STAMBP: variants seen among roughly 807,000 people sequenced by gnomAD.
STAMBP encodes the protein STAM-binding protein.
In STAMBP, 31 loss-of-function variants were observed where a neutral mutation model predicts 50.7. The ratio of observed to expected loss-of-function variants is 0.61; its 90% CI spans 0.46 to 0.83. The LOEUF (loss-of-function observed/expected upper bound fraction) is 0.83. Among genes scored for constraint, STAMBP ranks in the 40% least tolerant of loss-of-function variants. The pLI is 0.00. For missense variants in STAMBP, 472 were observed against 518.9 expected (o/e 0.91, Z 0.88); for synonymous variants, 211 against 192.4 (o/e 1.10, Z -0.80).
intron 7 of STAMBP, among the ~76,000 whole-genome samples, chr2:73,855,188 A>G (rs1677391944): frequency 6.6e-6 from 1 of 152,032 alleles, no homozygotes; most frequent in Non-Finnish European, 1.5e-5. Flanking sequence ...ACTCCTCATC[A>G]TGTTTCAGCG....
chr2:73,830,754 C>T, intron 1 of STAMBP, 91 bp from the exon 2 acceptor site: 3 of 937,206 alleles, frequency 3.2e-6, no homozygotes, highest in Non-Finnish European at 4.8e-6. Flanking sequence ...CTTATATTTT[C>T]TTCTTAAGGT....
intron 9 of STAMBP, among the ~76,000 whole-genome samples, chr2:73,861,889 A>G (rs1426314861): frequency 1.3e-5 from 2 of 152,026 alleles, no homozygotes; most frequent in African/African-American, 4.8e-5. Context: ...TATAATCCCA[A>G]TACTTTGGGA....
Position 73,864,487 on chromosome 2 carries a change from G to A in STAMBP, c.*2228G>A, listed in dbSNP as rs1034075184. The A allele has an allele frequency of 6.6e-6, 1 of 152,364 alleles. No homozygotes were observed. Among genetic ancestry groups the A allele is most frequent in the African/African-American group, 2.4e-5 (1 of 41,444 alleles). The allele number at this position is 152,364 out of a possible 1,614,324, so 9.4% of individuals were successfully genotyped here. Reference sequence around the variant, plus strand: ...GTCTTCATCTTACCTCTGTGGAGGAGACGTGGAATCAAGCCAGCCCACAAG... The same window carrying A: ...GTCTTCATCTTACCTCTGTGGAGGAAACGTGGAATCAAGCCAGCCCACAAG... On this transcript the variant is annotated 3_prime_UTR_variant, in exon 10 of 10. Coordinates refer to ENST00000394070, the MANE Select transcript of STAMBP (RefSeq NM_213622.4).
chr2:73,841,503 A>G (rs1250795934), intron 2 of STAMBP, among the ~76,000 whole-genome samples: 2 of 152,152 alleles, frequency 1.3e-5, no homozygotes, highest in African/African-American at 4.8e-5. Flanking sequence ...CATCTCTACA[A>G]TTTTATGGAC....
chr2:73,844,835 A>G lies in STAMBP; in HGVS notation c.226A>G (p.Lys76Glu), dbSNP rs748184530. 2.5e-6 allele frequency: 4 copies of G among 1,614,080 alleles called. No homozygotes were observed. Among genetic ancestry groups the G allele is most frequent in the Non-Finnish European group, 3.4e-6 (4 of 1,179,984 alleles). ...TAGGCTCTTTATTGAGAAACTACCA[A>G]AACATCGAGATTACAAATCTGCTGT... ...YITLFIEKLPKHRDYKSAVIP... is the reference protein window; with the variant it reads ...YITLFIEKLPEHRDYKSAVIP... Residue 76 changes from lysine to glutamate, a missense_variant, in exon 3 of 10, where the codon AAA becomes GAA. Transcript: ENST00000394070.
At chr2:73,862,153 A>AT in intron 9 of STAMBP, 50 bp from the exon 10 acceptor site, 2 of 1,509,090 alleles carry the variant, frequency 1.3e-6, no homozygotes, top group Non-Finnish European at 1.8e-6. Context: ...AAAAAAAAAA[A>AT]GACTTTTCAG....
chr2:73,851,841 T>C (rs1038590564), intron 7 of STAMBP, among the ~76,000 whole-genome samples: 4 of 152,078 alleles, frequency 2.6e-5, no homozygotes, highest in Non-Finnish European at 5.9e-5. Context: ...GATTTCACCA[T>C]GTTGGCCAGA....
intron 7 of STAMBP, among the ~76,000 whole-genome samples, chr2:73,853,025 G>T (rs546715366): frequency 6.6e-6 from 1 of 151,356 alleles, no homozygotes; most frequent in African/African-American, 2.4e-5. Context: ...TGTGATCCTC[G>T]TGATTATAGG....
At position 73,834,228 on chromosome 2, in the gene STAMBP, AAAAAAAAAATATATATATATATATATAT is replaced by A. The variant is rs1469480377; in HGVS notation, c.203+3171_203+3198del. Reference sequence around the variant, plus strand: ...ATGTCTTAAAAAAAAAAAAAAAAAAAAAAAAAAAATATATATATATATATATATATATATATATATATATATATATATA... The same window carrying A: ...ATGTCTTAAAAAAAAAAAAAAAAAAAATATATATATATATATATATATATA... On this transcript the variant is annotated intron_variant, in intron 2 of 9. Transcript: ENST00000394070. Among the ~76,000 whole-genome samples, 96 of 23,516 alleles carry A rather than the reference AAAAAAAAAATATATATATATATATATAT, an allele frequency of 4.1e-3. 5 individuals carry two copies. The highest frequency in any genetic ancestry group is 0.014 in the African/African-American group (91 of 6,480). The allele number at this position is 23,516 out of a possible 152,430, so 15.4% of individuals were successfully genotyped here. A position where few individuals can be genotyped will look rare whatever the true frequency, so the allele number is the denominator to read the frequency against.
At position 73,847,815 on chromosome 2, in the gene STAMBP, G is replaced by A. The variant is rs560480236; in HGVS notation, c.742+62G>A. ...TGCAGCCAAACAGTATCATTCTGACGGGGTCAACCTAAGATTACCTCCCTG... is the reference window on the plus strand; with the variant it reads ...TGCAGCCAAACAGTATCATTCTGACAGGGTCAACCTAAGATTACCTCCCTG... On this transcript the variant is annotated intron_variant, in intron 5 of 9. Coordinates refer to ENST00000394070, the MANE Select transcript of STAMBP (RefSeq NM_213622.4). 124 of 1,546,820 alleles carry A rather than the reference G, an allele frequency of 8.0e-5. 1 individual carries two copies. The South Asian group carries it at 1.3e-3, about 17-fold the overall frequency.
At position 73,834,254 on chromosome 2, in the gene STAMBP, T is replaced by A. The variant is rs1449225905; in HGVS notation, c.203+3195T>A. The stretch of plus-strand genomic sequence containing the variant: ...AAAAAAAAATATATATATATATATA[T>A]ATATATATATATATATATATATATA... On this transcript the variant is annotated intron_variant, in intron 2 of 9. Coordinates refer to ENST00000394070, the MANE Select transcript of STAMBP (RefSeq NM_213622.4). Among the ~76,000 whole-genome samples the A allele has an allele frequency of 4.7e-3, 234 of 49,556 alleles. 2 individuals are homozygous for A. The highest frequency in any genetic ancestry group is 0.027 in the Middle Eastern group (2 of 74). 32.5% of individuals were successfully genotyped at this position (49,556 alleles called of 152,430 possible). A position where few individuals can be genotyped will look rare whatever the true frequency, so the allele number is the denominator to read the frequency against.
At chr2:73,859,682 T>TA (rs1678050165) in intron 8 of STAMBP, among the ~76,000 whole-genome samples, 1 of 142,990 alleles carries the variant, frequency 7.0e-6, no homozygotes, top group Non-Finnish European at 1.5e-5. Context: ...TCATAAAATA[T>TA]AAAAAAATAA....
In STAMBP at chr2:73,864,547, T is replaced by G. The variant is rs10192291; in HGVS notation, c.*2288T>G. 0.064 allele frequency: 9,741 copies of G among 151,974 alleles called. 375 individuals carry two copies. Among genetic ancestry groups the G allele is most frequent in the African/African-American group, 0.1 (4,322 of 41,316 alleles). 9.4% of individuals were successfully genotyped at this position (151,974 alleles called of 1,614,324 possible). A position where few individuals can be genotyped will look rare whatever the true frequency, so the allele number is the denominator to read the frequency against. On this transcript the variant is annotated 3_prime_UTR_variant, in exon 10 of 10. Coordinates refer to ENST00000394070, the MANE Select transcript of STAMBP (RefSeq NM_213622.4). Reference sequence around the variant, plus strand: ...TGGATAGGCCGGAGAGAAAGAGGAGTAGCCAGAGCGGTCGGGAAAAGAGGA... The same window carrying G: ...TGGATAGGCCGGAGAGAAAGAGGAGGAGCCAGAGCGGTCGGGAAAAGAGGA...
At chr2:73,850,000 G>A (rs1279306373) in intron 6 of STAMBP, among the ~76,000 whole-genome samples, 2 of 152,186 alleles carry the variant, frequency 1.3e-5, no homozygotes, top group East Asian at 1.9e-4. Flanking sequence ...AATGTAAGCC[G>A]AGGCTTACAG....
chr2:73,832,011 T>C (rs1673985204), intron 2 of STAMBP, among the ~76,000 whole-genome samples: 1 of 150,866 alleles, frequency 6.6e-6, no homozygotes, highest in Non-Finnish European at 1.5e-5. Context: ...AGGTAGTCTT[T>C]TGAGATCATA....
downstream of STAMBP, among the ~76,000 whole-genome samples, chr2:73,869,404 C>T (rs1410871665): frequency 2.6e-5 from 4 of 152,148 alleles, no homozygotes; most frequent in African/African-American, 4.8e-5. Context: ...GGCACACTAT[C>T]GGTATTCTAT....
intron 2 of STAMBP, 75 bp downstream of exon 2, chr2:73,831,134 C>A: frequency 8.8e-7 from 1 of 1,136,356 alleles, no homozygotes; most frequent in Non-Finnish European, 1.3e-6. Flanking sequence ...TTGCTAAAAC[C>A]ACAGAACTTC....
chr2:73,832,460 CAA>C (rs76931812), intron 2 of STAMBP, among the ~76,000 whole-genome samples: 34 of 122,540 alleles, frequency 2.8e-4, no homozygotes, highest in Admixed American at 5.0e-4. Flanking sequence ...GAGACTGTTT[CAA>C]AAAAAAAAAA....
Position 73,859,384 on chromosome 2 carries a change from G to T in STAMBP, c.1118+18G>T, listed in dbSNP as rs1205959807. 6.3e-7 allele frequency: 1 copy of T among 1,599,544 alleles called. No individual in the cohort carries two copies. Among genetic ancestry groups the T allele is most frequent in the South Asian group, 1.1e-5 (1 of 90,782 alleles). Reference sequence around the variant, plus strand: ...TTCCAGGAGTGAGTATAGAGGGCATGGTTCTGGGTGTTTCAAGGGGGTAGT... The same window carrying T: ...TTCCAGGAGTGAGTATAGAGGGCATTGTTCTGGGTGTTTCAAGGGGGTAGT... On this transcript the variant is annotated intron_variant, in intron 8 of 9. Transcript: ENST00000394070.
Sources: gnomAD v4.1 joint callset for allele counts (sites outside exome capture counted in the v4.1 genomes callset) on GRCh38, gnomAD v4.1.1 for gene constraint, MANE v1.5 for transcripts, NCBI Gene and HGNC (gene_info 2026-07-23, HGNC 2026-07-21) for gene names.